The following GNB4 variants were observed in gnomAD, a reference collection of about 807,000 sequenced individuals.
GNB4 encodes the protein guanine nucleotide-binding protein subunit beta-4.
In GNB4, 28 loss-of-function variants were observed where a neutral mutation model predicts 45.2. The ratio of observed to expected loss-of-function variants is 0.62; its 90% CI spans 0.46 to 0.85. GNB4 has a LOEUF of 0.85. Among genes scored for constraint, GNB4 ranks in the 40% least tolerant of loss-of-function variants. The pLI is 0.00. For missense variants in GNB4, 321 were observed against 425.4 expected, an observed-to-expected ratio of 0.75 and a Z score of 2.16; for synonymous variants, 132 against 143.7, an observed-to-expected ratio of 0.92 and a Z score of 0.58.
At chr3:179,431,033 T>C (rs1332977915) in intron 1 of GNB4, among the ~76,000 whole-genome samples, 1 of 152,158 alleles carries the variant, frequency 6.6e-6, no homozygotes, top group Admixed American at 6.6e-5. Flanking sequence ...CAAACCACAA[T>C]ACTATTATCA....
At chr3:179,411,384 G>A (rs1160513668) in intron 8 of GNB4, among the ~76,000 whole-genome samples, 2 of 150,758 alleles carry the variant, frequency 1.3e-5, no homozygotes, top group African/African-American at 2.4e-5. Flanking sequence ...TATATATACA[G>A]TATCTTTGTT....
At chr3:179,484,836 A>ATGTGTGTGTG in the GNB4 span, among the ~76,000 whole-genome samples, 8,146 of 146,978 alleles carry the variant, frequency 0.055, 363 homozygotes, top group East Asian at 0.16. Flanking sequence ...AGCTATATAT[A>ATGTGTGTGTG]TGTGTGTGTG....
intron 1 of GNB4, among the ~76,000 whole-genome samples, chr3:179,447,658 T>C (rs574815782): frequency 2.6e-5 from 4 of 152,236 alleles, no homozygotes; most frequent in Non-Finnish European, 4.4e-5. Flanking sequence ...CCTGCAGTCA[T>C]CCAGGCCAGG....
the GNB4 span, among the ~76,000 whole-genome samples, chr3:179,514,745 C>A: frequency 6.6e-6 from 1 of 152,158 alleles, no homozygotes; most frequent in Non-Finnish European, 1.5e-5. Flanking sequence ...GAGGCTTCAC[C>A]AGAAACCAAC....
At chr3:179,515,802 A>G in the GNB4 span, among the ~76,000 whole-genome samples, 1 of 152,194 alleles carries the variant, frequency 6.6e-6, no homozygotes, top group Non-Finnish European at 1.5e-5. Context: ...GATGTTTCTC[A>G]GGGCTGCTTC....
At chr3:179,468,105 G>A in the GNB4 span, among the ~76,000 whole-genome samples, 2 of 148,566 alleles carry the variant, frequency 1.3e-5, no homozygotes, top group South Asian at 4.3e-4. Flanking sequence ...GGCTGAGGTG[G>A]GAGGATTCCT....
chr3:179,416,785 T>A (rs994842480), intron 4 of GNB4, among the ~76,000 whole-genome samples: 4 of 152,246 alleles, frequency 2.6e-5, no homozygotes, highest in African/African-American at 4.8e-5. Flanking sequence ...TGTCTGGCTA[T>A]GATTAAACAT....
chr3:179,437,366 A>G (rs1715480097), intron 1 of GNB4, among the ~76,000 whole-genome samples: 2 of 151,996 alleles, frequency 1.3e-5, no homozygotes, highest in Non-Finnish European at 2.9e-5. Flanking sequence ...GGAGTTCGAG[A>G]CCAGCCTGGC....
chr3:179,495,673 A>G, the GNB4 span, among the ~76,000 whole-genome samples: 1 of 151,712 alleles, frequency 6.6e-6, no homozygotes, highest in Non-Finnish European at 1.5e-5. Context: ...GAAGGGAAGG[A>G]AAGAAGGAAA....
the GNB4 span, among the ~76,000 whole-genome samples, chr3:179,487,746 C>T: frequency 3.9e-5 from 6 of 152,048 alleles, no homozygotes; most frequent in Non-Finnish European, 7.4e-5. Context: ...TCAAGATCAG[C>T]AATATTAAAA....
the GNB4 span, among the ~76,000 whole-genome samples, chr3:179,459,421 G>T: frequency 6.6e-6 from 1 of 152,134 alleles, no homozygotes; most frequent in East Asian, 1.9e-4. Context: ...AGTGCCTCAC[G>T]CCTGTAATCC....
Position 179,405,302 on chromosome 3 carries a change from A to T in GNB4, c.804T>A (p.Asn268Lys). 1 of 1,614,204 alleles carries T rather than the reference A, an allele frequency of 6.2e-7. No individual in the cohort carries two copies. The highest frequency in any genetic ancestry group is 8.5e-7 in the Non-Finnish European group (1 of 1,180,006). ...CTACAGAAGTGATTCCACAGATGATATTGTCATGAGAATACAATAATAACT... is the reference window on the plus strand; with the variant it reads ...CTACAGAAGTGATTCCACAGATGATTTTGTCATGAGAATACAATAATAACT... Reference protein sequence around the residue: ...DQELLLYSHDNIICGITSVAF... With the variant: ...DQELLLYSHDKIICGITSVAF... Residue 268 changes from asparagine (N) to lysine (K), a missense_variant, in exon 9 of 10, where the codon AAT becomes AAA. Transcript: ENST00000232564.
chr3:179,509,180 C>T, the GNB4 span, among the ~76,000 whole-genome samples: 12 of 151,080 alleles, frequency 7.9e-5, no homozygotes, highest in African/African-American at 2.0e-4. Context: ...CACACACACA[C>T]ACACACACAC....
At chr3:179,457,722 T>C in the GNB4 span, among the ~76,000 whole-genome samples, 6 of 152,314 alleles carry the variant, frequency 3.9e-5, no homozygotes, top group African/African-American at 1.4e-4. Context: ...TGGTTCAACA[T>C]TAATGCTTCT....
At chr3:179,496,302 A>G in the GNB4 span, among the ~76,000 whole-genome samples, 1 of 152,150 alleles carries the variant, frequency 6.6e-6, no homozygotes, top group Admixed American at 6.5e-5. Flanking sequence ...AATAAAGCAA[A>G]AGCCTATAGT....
At chr3:179,464,570 TG>T in the GNB4 span, 1 of 1,524,646 alleles carries the variant, frequency 6.6e-7, no homozygotes, top group Non-Finnish European at 9.1e-7. Flanking sequence ...TGATCCTGGT[TG>T]GCGAGAGTTC....
At chr3:179,433,030 T>C (rs1202051647) in intron 1 of GNB4, among the ~76,000 whole-genome samples, 1 of 152,096 alleles carries the variant, frequency 6.6e-6, no homozygotes, top group Non-Finnish European at 1.5e-5. Flanking sequence ...CCTTAAAGTT[T>C]AAAATAATCA....
chr3:179,448,624 C>G (rs1009636537), intron 1 of GNB4, among the ~76,000 whole-genome samples: 2 of 152,154 alleles, frequency 1.3e-5, no homozygotes, highest in African/African-American at 4.8e-5. Context: ...AAACTCAAAA[C>G]TATGCAAAAA....
chr3:179,435,514 C>A (rs1715422314), intron 1 of GNB4, among the ~76,000 whole-genome samples: 1 of 150,922 alleles, frequency 6.6e-6, no homozygotes, highest in African/African-American at 2.4e-5. Flanking sequence ...AATGTAATCG[C>A]CAAGCAATTT....
Sources: allele counts gnomAD v4.1 joint callset (sites outside exome capture counted in the v4.1 genomes callset), GRCh38; gene constraint gnomAD v4.1.1; transcripts MANE v1.5; gene names NCBI Gene and HGNC (gene_info 2026-07-23, HGNC 2026-07-21).